LRRC7: variants seen among roughly 807,000 people sequenced by gnomAD.
The protein encoded by LRRC7 is leucine-rich repeat-containing protein 7.
Under a neutral mutation model 175.7 loss-of-function variants are expected in LRRC7, and 23 were observed. The observed-to-expected ratio is 0.13, with a 90% CI of 0.09 to 0.19. LRRC7 has a LOEUF of 0.19. Among genes scored for constraint, LRRC7 ranks in the 10% least tolerant of loss-of-function variants. The pLI is 1.00. For synonymous variants in LRRC7, 685 were observed against 680.9 expected (o/e 1.01, Z -0.09); for missense variants, 1,354 against 1,904.7 (o/e 0.71, Z 5.38).
chr1:69,996,113 G>GT (rs1654937449), intron 11 of LRRC7, among the ~76,000 whole-genome samples: 1 of 151,270 alleles, frequency 6.6e-6, no homozygotes, highest in Non-Finnish European at 1.5e-5. Context: ...GTGTGAGATG[G>GT]TATCTCATTG....
chr1:69,627,001 C>G (rs576317414), intron 1 of LRRC7, among the ~76,000 whole-genome samples: 5 of 152,022 alleles, frequency 3.3e-5, no homozygotes, highest in African/African-American at 1.2e-4. Flanking sequence ...GGTTCCAAGT[C>G]TTTGCTATTG....
At chr1:69,781,940 G>A (rs1291974235) in intron 3 of LRRC7, among the ~76,000 whole-genome samples, 4 of 106,602 alleles carry the variant, frequency 3.8e-5, no homozygotes, top group African/African-American at 1.1e-4. Context: ...AAGAAAGAAA[G>A]AGAAAAGAAA....
At chr1:69,793,482 A>G (rs1290461392) in intron 4 of LRRC7, among the ~76,000 whole-genome samples, 1 of 152,006 alleles carries the variant, frequency 6.6e-6, no homozygotes, top group Non-Finnish European at 1.5e-5. Flanking sequence ...TGTTCATTTG[A>G]CCAGAACTCT....
chr1:69,954,786 A>T (rs539157147), intron 8 of LRRC7, among the ~76,000 whole-genome samples: 1 of 152,216 alleles, frequency 6.6e-6, no homozygotes, highest in South Asian at 2.1e-4. Context: ...TGTAGTTAAA[A>T]TATATTCCTT....
chr1:69,868,922 C>CAT (rs141732988), intron 7 of LRRC7, among the ~76,000 whole-genome samples: 67,488 of 148,408 alleles, frequency 0.45, 15,393 homozygotes, highest in East Asian at 0.53. Context: ...TACATATGTA[C>CAT]ATATATATAT....
intron 7 of LRRC7, among the ~76,000 whole-genome samples, chr1:69,907,645 C>T (rs576576369): frequency 5.3e-5 from 8 of 152,296 alleles, no homozygotes; most frequent in African/African-American, 1.9e-4. Flanking sequence ...TTTTGATGTG[C>T]TGCTGGATTC....
chr1:69,740,572 G>A (rs1181198606), intron 2 of LRRC7, among the ~76,000 whole-genome samples: 2 of 152,044 alleles, frequency 1.3e-5, no homozygotes, highest in Non-Finnish European at 2.9e-5. Flanking sequence ...GACAGCAAAA[G>A]GAAAGTGAGT....
intron 26 of LRRC7, among the ~76,000 whole-genome samples, chr1:70,120,046 A>T (rs189780716): frequency 1.3e-5 from 2 of 152,266 alleles, no homozygotes; most frequent in East Asian, 3.9e-4. Flanking sequence ...CAAGTTTGCT[A>T]TGTTCCTGAT....
intron 7 of LRRC7, among the ~76,000 whole-genome samples, chr1:69,903,270 A>G (rs945947159): frequency 1.3e-5 from 2 of 152,118 alleles, no homozygotes; most frequent in Non-Finnish European, 2.9e-5. Context: ...TTTCCAACTG[A>G]GGTACTCAGT....
intron 21 of LRRC7, among the ~76,000 whole-genome samples, chr1:70,040,532 T>C (rs560262590): frequency 6.6e-6 from 1 of 152,106 alleles, no homozygotes; most frequent in South Asian, 2.1e-4. Context: ...AAAAATTGAG[T>C]CACAATAGGC....
chr1:69,776,448 C>A (rs965093657), intron 3 of LRRC7, among the ~76,000 whole-genome samples: 4 of 152,022 alleles, frequency 2.6e-5, no homozygotes, highest in African/African-American at 9.7e-5. Flanking sequence ...TGAAATAAAT[C>A]TTTTGCAGAT....
intron 7 of LRRC7, among the ~76,000 whole-genome samples, chr1:69,880,636 A>T (rs781199269): frequency 5.3e-5 from 8 of 152,160 alleles, no homozygotes; most frequent in Non-Finnish European, 1.0e-4. Context: ...CAGCTGCTGT[A>T]ATCATGACAA....
intron 8 of LRRC7, among the ~76,000 whole-genome samples, chr1:69,962,612 G>A (rs1456281299): frequency 1.3e-5 from 2 of 152,162 alleles, no homozygotes; most frequent in Non-Finnish European, 2.9e-5. Flanking sequence ...TAAAGAAAAT[G>A]TAGTACATAT....
intron 2 of LRRC7, among the ~76,000 whole-genome samples, chr1:69,685,902 A>AC (rs1661082934): frequency 6.6e-6 from 1 of 151,936 alleles, no homozygotes; most frequent in Non-Finnish European, 1.5e-5. Flanking sequence ...GATAAACCAA[A>AC]AAAAAAAAAT....
At chr1:70,071,223 G>A (rs894054016) in intron 23 of LRRC7, among the ~76,000 whole-genome samples, 15 of 152,084 alleles carry the variant, frequency 9.9e-5, no homozygotes, top group African/African-American at 3.6e-4. Flanking sequence ...TTTTCAGATT[G>A]TCTGCTTCTT....
chr1:69,849,903 A>G (rs1682786230), intron 7 of LRRC7, among the ~76,000 whole-genome samples: 1 of 152,110 alleles, frequency 6.6e-6, no homozygotes, highest in Non-Finnish European at 1.5e-5. Context: ...GAATCTAACA[A>G]TTTTCCACTG....
chr1:69,758,678 G>C (rs1670700102), intron 2 of LRRC7, among the ~76,000 whole-genome samples: 1 of 151,872 alleles, frequency 6.6e-6, no homozygotes, highest in Non-Finnish European at 1.5e-5. Flanking sequence ...CCCTCAGGTA[G>C]GCCCCAGTGT....
chr1:69,594,973 A>C lies in LRRC7; in HGVS notation c.2+26332A>C, dbSNP rs552337846. ...CCCTTTTATTATTAACATACATAGAAGATGACATTACTATACCTAGTGTTT... is the reference window on the plus strand; with the variant it reads ...CCCTTTTATTATTAACATACATAGACGATGACATTACTATACCTAGTGTTT... On this transcript the variant is annotated intron_variant, in intron 1 of 26. Coordinates refer to ENST00000651989, the MANE Select transcript of LRRC7 (RefSeq NM_001370785.2). Among the ~76,000 whole-genome samples, 12 of 152,280 alleles carry C rather than the reference A, an allele frequency of 7.9e-5. No homozygotes were observed. The South Asian group carries it at 2.5e-3, about 32-fold the overall frequency.
At chr1:69,574,079 A>G (rs960883055) in intron 1 of LRRC7, among the ~76,000 whole-genome samples, 8 of 152,076 alleles carry the variant, frequency 5.3e-5, no homozygotes, top group African/African-American at 1.4e-4. Context: ...TTAAGTTAAA[A>G]ACAGTGGAAC....
Sources: allele counts gnomAD v4.1 joint callset (sites outside exome capture counted in the v4.1 genomes callset), GRCh38; gene constraint gnomAD v4.1.1; transcripts MANE v1.5; gene names NCBI Gene and HGNC (gene_info 2026-07-23, HGNC 2026-07-21).